Variants in CHST1 observed in about 807,000 individuals in gnomAD.
CHST1 encodes carbohydrate sulfotransferase 1, also known as Keratan sulfotransferase.
Under a neutral mutation model 22.5 loss-of-function variants are expected in CHST1, and 10 were observed. The ratio of observed to expected loss-of-function variants is 0.44; its 90% CI spans 0.27 to 0.75. The LOEUF is 0.75. Ranked by LOEUF, CHST1 falls within the 30% of genes least tolerant of loss-of-function variation. The pLI, the probability that CHST1 is intolerant of heterozygous loss-of-function variation, is 0.15. For synonymous variants in CHST1, 267 were observed against 264.5 expected (o/e 1.01, Z -0.09); for missense variants, 439 against 576.1 (o/e 0.76, Z 2.44).
chr11:45,656,447 G>C lies in CHST1; in HGVS notation c.-226-3841C>G, dbSNP rs377069344. ...AATAGTACACCACCTTTTCAGATTT[G>C]TTTAAGGAGGTGGACATGTATATTT... On this transcript the variant is annotated intron_variant, in intron 1 of 3. Coordinates refer to ENST00000308064, the MANE Select transcript of CHST1 (RefSeq NM_003654.6). Among the ~76,000 whole-genome samples the C allele has an allele frequency of 9.2e-5, 14 of 152,312 alleles. No individual in the cohort carries two copies. In the South Asian group the frequency reaches 2.9e-3, roughly 32 times the overall value.
In CHST1 at chr11:45,652,581, A is replaced by G. The variant is rs1325516850; in HGVS notation, c.-201T>C. The stretch of plus-strand genomic sequence containing the variant: ...GCAGCTGGGGAGAAAGTCTTCTTCC[A>G]ACCACACCGAAGTGACACCAGCTAC... On this transcript the variant is annotated 5_prime_UTR_variant, in exon 2 of 4. Coordinates refer to ENST00000308064, the MANE Select transcript of CHST1 (RefSeq NM_003654.6). 1 of 152,280 alleles carries G rather than the reference A, an allele frequency of 6.6e-6. No homozygotes were observed. The highest frequency in any genetic ancestry group is 1.5e-5 in the Non-Finnish European group (1 of 68,082). 9.4% of individuals were successfully genotyped at this position (152,280 alleles called of 1,614,324 possible). A position where few individuals can be genotyped will look rare whatever the true frequency, so the allele number is the denominator to read the frequency against.
rs575721501 is a variant in CHST1 at position 45,665,154 on chromosome 11, G to C, written c.-227+24C>G. The C allele has an allele frequency of 6.6e-6, 1 of 151,284 alleles. No individual in the cohort carries two copies. The highest frequency in any genetic ancestry group is 2.1e-4 in the South Asian group (1 of 4,802). The allele number at this position is 151,284 out of a possible 1,614,324, so 9.4% of individuals were successfully genotyped here. On this transcript the variant is annotated intron_variant, in intron 1 of 3. Coordinates refer to ENST00000308064, the MANE Select transcript of CHST1 (RefSeq NM_003654.6). The surrounding 1 kb of genome is among the most constrained non-coding windows in gnomAD (Gnocchi z 4.0). ...GGAGTGTCCGCTCCCGCCCGCCCCGGAGCCCGCGGGGCCCGGCCAATACCT... is the reference window on the plus strand; with the variant it reads ...GGAGTGTCCGCTCCCGCCCGCCCCGCAGCCCGCGGGGCCCGGCCAATACCT...
Position 45,648,527 on chromosome 11 carries a change from CAA to C in CHST1, c.*1159_*1160del, listed in dbSNP as rs4148906. On this transcript the variant is annotated 3_prime_UTR_variant, in exon 4 of 4. Coordinates refer to ENST00000308064, the MANE Select transcript of CHST1 (RefSeq NM_003654.6). The stretch of plus-strand genomic sequence containing the variant: ...GTGAAACCCCGTCTCTACTAAAATC[CAA>C]AAAAAAAAAAAAATAGCCAGGTGTG... Among the ~76,000 whole-genome samples the C allele has an allele frequency of 3.1e-5, 4 of 128,728 alleles. No individual in the cohort carries two copies. Among genetic ancestry groups the C allele is most frequent in the African/African-American group, 5.8e-5 (2 of 34,200 alleles). The allele number at this position is 128,728 out of a possible 152,430, so 84.5% of individuals were successfully genotyped here.
At chr11:45,657,756 T>C (rs937784085) in intron 1 of CHST1, among the ~76,000 whole-genome samples, 2 of 152,162 alleles carry the variant, frequency 1.3e-5, no homozygotes, top group South Asian at 4.1e-4. Flanking sequence ...CCCCTTCTCT[T>C]TGGGGTCATG....
chr11:45,663,584 TG>T (rs1852161623), intron 1 of CHST1, among the ~76,000 whole-genome samples: 1 of 152,064 alleles, frequency 6.6e-6, no homozygotes, highest in Admixed American at 6.5e-5. Context: ...TGAAGGGGGC[TG>T]GGGGTGGCAC....
intron 1 of CHST1, among the ~76,000 whole-genome samples, chr11:45,657,157 GC>G (rs1852072806): frequency 1.3e-5 from 2 of 152,302 alleles, no homozygotes; most frequent in South Asian, 4.1e-4. Flanking sequence ...TGGCGAACAG[GC>G]CTCTAGGATG....
At position 45,649,754 on chromosome 11, in the gene CHST1, C is replaced by T. The variant is rs1487470192; in HGVS notation, c.1170G>A (p.Ser390=). ...CCGAGGGGTTCTTCAGCTCCTCCTC[C>T]GAGGCGGCGATCTTGTAGCCCAGCT... ...LAQLGYKIAA[S]EEELKNPSVS... The change falls in exon 4 of 4, where the codon TCG becomes TCA. Residue 390 remains serine, a synonymous_variant. Transcript: ENST00000308064. 10 of 1,610,098 alleles carry T rather than the reference C, an allele frequency of 6.2e-6. No individual in the cohort carries two copies. The highest frequency in any genetic ancestry group is 1.1e-5 in the South Asian group (1 of 90,916).
chr11:45,659,265 C>T lies in CHST1; in HGVS notation c.-227+5913G>A, dbSNP rs111913483. ...CTGTGGTGGCGCTAGGATTCAGACTCGGCTCTAAAGAATCCCAAGCCCTGG... is the reference window on the plus strand; with the variant it reads ...CTGTGGTGGCGCTAGGATTCAGACTTGGCTCTAAAGAATCCCAAGCCCTGG... On this transcript the variant is annotated intron_variant, in intron 1 of 3. Coordinates refer to ENST00000308064, the MANE Select transcript of CHST1 (RefSeq NM_003654.6). 3.1e-3 allele frequency among the ~76,000 whole-genome samples: 479 copies of T among 152,264 alleles called. 2 individuals are homozygous for T. Among genetic ancestry groups the T allele is most frequent in the Non-Finnish European group, 5.8e-3 (393 of 68,012 alleles).
chr11:45,650,526 T>G lies in CHST1; in HGVS notation c.398A>C (p.Tyr133Ser). Reference sequence around the variant, plus strand: ...CGGCTTGATGTAGTTCTCCAGGAAGTAGAGGTCGCAGTCGTAGAGGCTCCG... The same window carrying G: ...CGGCTTGATGTAGTTCTCCAGGAAGGAGAGGTCGCAGTCGTAGAGGCTCCG... Reference protein sequence around the residue: ...LLRSLYDCDLYFLENYIKPPP... With the variant: ...LLRSLYDCDLSFLENYIKPPP... The change falls in exon 4 of 4, where the codon TAC becomes TCC. Residue 133 changes from tyrosine to serine, a missense_variant. Transcript: ENST00000308064. 6.2e-7 allele frequency: 1 copy of G among 1,613,726 alleles called. No individual in the cohort carries two copies. Among genetic ancestry groups the G allele is most frequent in the East Asian group, 2.2e-5 (1 of 44,836 alleles).
intron 1 of CHST1, among the ~76,000 whole-genome samples, chr11:45,661,318 G>C (rs1339072513): frequency 1.3e-5 from 2 of 152,180 alleles, no homozygotes; most frequent in Non-Finnish European, 2.9e-5. Flanking sequence ...CTCAGCATTG[G>C]GTCAGATCTT....
rs370518246 is a variant in CHST1, at chr11:45,658,917, C to G, written c.-227+6261G>C. ...TGGGAAACATCAACAGGAGCTGGAA[C>G]TCAGGCAGCTGCTGCCGGCCAGGCT... On this transcript the variant is annotated intron_variant, in intron 1 of 3. Coordinates refer to ENST00000308064, the MANE Select transcript of CHST1 (RefSeq NM_003654.6). 5.3e-4 allele frequency among the ~76,000 whole-genome samples: 81 copies of G among 152,338 alleles called. 1 individual carries two copies. The East Asian group carries it at 0.013, about 24-fold the overall frequency.
At position 45,650,377 on chromosome 11, in the gene CHST1, G is replaced by A; in HGVS notation, c.547C>T (p.Arg183Cys). The A allele has an allele frequency of 1.2e-6, 2 of 1,603,888 alleles. No homozygotes were observed. Among genetic ancestry groups the A allele is most frequent in the Non-Finnish European group, 1.7e-6 (2 of 1,179,746 alleles). Residue 183 changes from arginine to cysteine, a missense_variant, in exon 4 of 4, where the codon CGC becomes TGC. Arg to Cys is a radical substitution (Grantham distance 180, BLOSUM62 -3). Coordinates refer to ENST00000308064, the MANE Select transcript of CHST1 (RefSeq NM_003654.6). ...DLVLEEGDCV[R>C]KCGLLNLTVA... is the part of the protein sequence containing the mutation. ...GTCAGGTTGAGTAGCCCGCACTTGCGCACACAGTCCCCCTCCTCCAGGACC... is the reference window on the plus strand; with the variant it reads ...GTCAGGTTGAGTAGCCCGCACTTGCACACACAGTCCCCCTCCTCCAGGACC...
intron 1 of CHST1, among the ~76,000 whole-genome samples, chr11:45,654,833 C>A (rs1852042732): frequency 6.6e-6 from 1 of 152,220 alleles, no homozygotes; most frequent in African/African-American, 2.4e-5. Context: ...GATGAGGGCA[C>A]AGACTGGGAG....
Position 45,650,059 on chromosome 11 carries a change from G to A in CHST1, c.865C>T (p.Arg289Trp), listed in dbSNP as rs868485499. The change falls in exon 4 of 4, where the codon CGG becomes TGG. Residue 289 changes from arginine to tryptophan, a missense_variant. Transcript: ENST00000308064. The part of the protein sequence containing the change: ...FSNSVSTGLM[R>W]PPWLKGKYML... ...TACTTGCCCTTGAGCCACGGGGGCC[G>A]CATGAGGCCGGTGGACACGGAGTTG... The A allele has an allele frequency of 1.2e-6, 2 of 1,613,972 alleles. No individual in the cohort carries two copies. The highest frequency in any genetic ancestry group is 1.1e-5 in the South Asian group (1 of 91,086).
intron 1 of CHST1, among the ~76,000 whole-genome samples, chr11:45,653,905 G>C (rs1035400905): frequency 3.9e-5 from 6 of 152,202 alleles, no homozygotes; most frequent in African/African-American, 1.4e-4. Context: ...CCGTTTTACA[G>C]ATAAGGAAGC....
At position 45,648,526 on chromosome 11, in the gene CHST1, C is replaced by A. The variant is rs4756010; in HGVS notation, c.*1162G>T. On this transcript the variant is annotated 3_prime_UTR_variant, in exon 4 of 4. Transcript: ENST00000308064. ...GGTGAAACCCCGTCTCTACTAAAAT[C>A]CAAAAAAAAAAAAAAATAGCCAGGT... is the stretch of plus-strand genomic sequence containing the variant. Among the ~76,000 whole-genome samples the A allele has an allele frequency of 0.5, 70,184 of 139,270 alleles. 16,700 individuals are homozygous for A. The highest frequency in any genetic ancestry group is 0.55 in the Middle Eastern group (156 of 286). The allele number at this position is 139,270 out of a possible 152,430, so 91.4% of individuals were successfully genotyped here.
chr11:45,657,662 C>T (rs895730), intron 1 of CHST1, among the ~76,000 whole-genome samples: 10,633 of 152,254 alleles, frequency 0.07, 1,274 homozygotes, highest in African/African-American at 0.24. Flanking sequence ...TATGCCAACA[C>T]ACAATCCAAC....
At chr11:45,651,031 G>T (rs1851992525) in intron 3 of CHST1, 66 bp from the exon 4 acceptor site, 1 of 1,262,288 alleles carries the variant, frequency 7.9e-7, no homozygotes, top group Non-Finnish European at 1.1e-6. Context: ...TCCCTTGGAA[G>T]AGCCGGTCTC....
rs1403134529 is a variant in CHST1, at chr11:45,649,972, C to T, written c.952G>A (p.Gly318Arg). 2 of 1,613,688 alleles carry T rather than the reference C, an allele frequency of 1.2e-6. No homozygotes were observed. The highest frequency in any genetic ancestry group is 1.3e-5 in the African/African-American group (1 of 74,920). ...NPMKKTEEIY[G>R]FLGIPLDSHV... is the part of the protein sequence containing the mutation. Reference sequence around the variant, plus strand: ...CTGTCCAGCGGGATGCCCAGGAACCCGTAGATCTCCTCGGTCTTCTTCATA... The same window carrying T: ...CTGTCCAGCGGGATGCCCAGGAACCTGTAGATCTCCTCGGTCTTCTTCATA... The change falls in exon 4 of 4, where the codon GGG becomes AGG. Residue 318 changes from glycine to arginine, a missense_variant. Coordinates refer to ENST00000308064, the MANE Select transcript of CHST1 (RefSeq NM_003654.6).
Sources: gnomAD v4.1 joint callset for allele counts (sites outside exome capture counted in the v4.1 genomes callset) on GRCh38, gnomAD v4.1.1 for gene constraint, Gnocchi (gnomAD v3.1) non-coding constraint, MANE v1.5 for transcripts, NCBI Gene and HGNC (gene_info 2026-07-23, HGNC 2026-07-21) for gene names.